XKR9: variants seen among roughly 807,000 people sequenced by gnomAD.
XKR9 encodes the protein XK related 9.
In XKR9, 32 loss-of-function variants were observed where a neutral mutation model predicts 32.0. The ratio of observed to expected loss-of-function variants is 1.00; its 90% confidence interval spans 0.76 to 1.34. The LOEUF is 1.34. Ranked by LOEUF, XKR9 falls within the 40% of genes most tolerant of loss-of-function variation. XKR9 has a pLI of 0.00. For missense variants in XKR9, 546 were observed against 429.7 expected (o/e 1.27, Z -2.39); for synonymous variants, 168 against 143.4 (o/e 1.17, Z -1.22).
At chr8:70,848,938 A>G in the XKR9 span, among the ~76,000 whole-genome samples, 4 of 152,216 alleles carry the variant, frequency 2.6e-5, no homozygotes, top group Non-Finnish European at 5.9e-5. Flanking sequence ...AGGAGCATCC[A>G]GATGCATAAA....
the XKR9 span, among the ~76,000 whole-genome samples, chr8:70,973,646 T>C: frequency 6.6e-6 from 1 of 152,186 alleles, no homozygotes; most frequent in South Asian, 2.1e-4. Context: ...TCCCAATGGG[T>C]TTAATAGGTT....
the XKR9 span, among the ~76,000 whole-genome samples, chr8:71,063,139 T>G: frequency 5.3e-5 from 8 of 152,328 alleles, no homozygotes; most frequent in East Asian, 1.5e-3. Flanking sequence ...CCAGAGTTAT[T>G]TGTCAAATAA....
chr8:70,721,350 A>G (rs917865402), intron 4 of XKR9, among the ~76,000 whole-genome samples: 3 of 151,098 alleles, frequency 2.0e-5, no homozygotes, highest in Non-Finnish European at 3.0e-5. Context: ...CTAGCTTTTG[A>G]ATTTGTTTGC....
chr8:70,893,278 T>A, the XKR9 span, among the ~76,000 whole-genome samples: 2 of 152,234 alleles, frequency 1.3e-5, no homozygotes, highest in Non-Finnish European at 2.9e-5. Context: ...CTGTATTTTC[T>A]TATATTTCAT....
At chr8:70,798,504 C>T in the XKR9 span, among the ~76,000 whole-genome samples, 1 of 152,216 alleles carries the variant, frequency 6.6e-6, no homozygotes, top group African/African-American at 2.4e-5. Flanking sequence ...TGTAGGTTGT[C>T]CGTTTACTGT....
chr8:70,881,277 A>C, the XKR9 span, among the ~76,000 whole-genome samples: 1 of 152,226 alleles, frequency 6.6e-6, no homozygotes, highest in East Asian at 1.9e-4. Context: ...ATGGGATCTA[A>C]TTAAACTAAA....
the XKR9 span, among the ~76,000 whole-genome samples, chr8:71,040,537 T>C: frequency 6.6e-6 from 1 of 152,196 alleles, no homozygotes; most frequent in Non-Finnish European, 1.5e-5. Flanking sequence ...TAGAGCTTCT[T>C]GGGCTAGAAC....
At chr8:70,835,879 T>G in the XKR9 span, among the ~76,000 whole-genome samples, 6 of 152,096 alleles carry the variant, frequency 3.9e-5, no homozygotes, top group Non-Finnish European at 7.4e-5. Flanking sequence ...AAACATTCTT[T>G]CACTGCTAAT....
chr8:70,927,523 G>T, the XKR9 span, among the ~76,000 whole-genome samples: 1 of 152,162 alleles, frequency 6.6e-6, no homozygotes, highest in Non-Finnish European at 1.5e-5. Context: ...TCTGGGAAGG[G>T]TTTGCTTTCT....
chr8:70,755,115 T>C (rs1807200935), intron 2 of XKR9, among the ~76,000 whole-genome samples: 1 of 152,122 alleles, frequency 6.6e-6, no homozygotes, highest in Non-Finnish European at 1.5e-5. Context: ...AACAGACACT[T>C]CTCAAAAGAA....
the XKR9 span, among the ~76,000 whole-genome samples, chr8:71,031,434 G>A: frequency 6.6e-6 from 1 of 152,202 alleles, no homozygotes; most frequent in African/African-American, 2.4e-5. Context: ...TCAAATTTTA[G>A]TTCTGAGTCA....
At chr8:70,869,614 G>A in the XKR9 span, among the ~76,000 whole-genome samples, 61,117 of 151,958 alleles carry the variant, frequency 0.4, 13,811 homozygotes, top group Non-Finnish European at 0.52. Flanking sequence ...CCAAGTTTTC[G>A]TTCTTTCCAC....
At chr8:70,757,742 A>G (rs1807248748) in intron 2 of XKR9, among the ~76,000 whole-genome samples, 3 of 152,108 alleles carry the variant, frequency 2.0e-5, no homozygotes, top group Non-Finnish European at 2.9e-5. Flanking sequence ...ACATGCCACC[A>G]TGCCTGGCTA....
the XKR9 span, among the ~76,000 whole-genome samples, chr8:70,983,867 G>A: frequency 6.6e-6 from 1 of 151,334 alleles, no homozygotes; most frequent in Admixed American, 6.6e-5. Flanking sequence ...TAAATCAATT[G>A]AACTTTTGCT....
At chr8:71,033,094 A>C in the XKR9 span, among the ~76,000 whole-genome samples, 1 of 152,208 alleles carries the variant, frequency 6.6e-6, no homozygotes, top group East Asian at 1.9e-4. Context: ...AAAAAAAAAA[A>C]AAATCAATAA....
At chr8:70,768,409 G>A (rs1807406942) in intron 2 of XKR9, among the ~76,000 whole-genome samples, 1 of 152,148 alleles carries the variant, frequency 6.6e-6, no homozygotes, top group African/African-American at 2.4e-5. Flanking sequence ...GATTTGGGGT[G>A]GAGAGTTCTG....
chr8:70,675,483 C>G (rs1221082530), intron 2 of XKR9, among the ~76,000 whole-genome samples: 1 of 152,184 alleles, frequency 6.6e-6, no homozygotes, highest in Non-Finnish European at 1.5e-5. Context: ...CCAGGCTGCA[C>G]ATTTTTCAAA....
the XKR9 span, among the ~76,000 whole-genome samples, chr8:70,986,968 G>A: frequency 6.6e-6 from 1 of 152,198 alleles, no homozygotes. Context: ...CAGGCAAAGG[G>A]AGAATGACGA....
At chr8:70,807,220 A>G in the XKR9 span, among the ~76,000 whole-genome samples, 1 of 152,240 alleles carries the variant, frequency 6.6e-6, no homozygotes, top group Non-Finnish European at 1.5e-5. Flanking sequence ...ATGCTGAGAG[A>G]TTTCATTACT....
Sources: gnomAD v4.1 joint callset for allele counts (sites outside exome capture counted in the v4.1 genomes callset) on GRCh38, gnomAD v4.1.1 for gene constraint, MANE v1.5 for transcripts, NCBI Gene and HGNC (gene_info 2026-07-23, HGNC 2026-07-21) for gene names.